MYO1H: variants seen among roughly 807,000 people sequenced by gnomAD.
MYO1H encodes myosin IH.
In MYO1H, 118 loss-of-function variants were observed where a neutral mutation model predicts 149.3. That is an observed-to-expected ratio of 0.79 (90% confidence interval 0.68 to 0.92). The LOEUF (loss-of-function observed/expected upper bound fraction) is 0.92, where lower values mean the gene tolerates loss of function less well. MYO1H is among the 40% of genes least tolerant of loss of function. MYO1H has a pLI of 0.00. For synonymous variants in MYO1H, 447 were observed against 465.2 expected (o/e 0.96, Z 0.50); for missense variants, 1,212 against 1,280.7 (o/e 0.95, Z 0.82).
intron 1 of MYO1H, among the ~76,000 whole-genome samples, chr12:109,387,469 C>T (rs1176332381): frequency 1.3e-5 from 2 of 152,194 alleles, no homozygotes; most frequent in Non-Finnish European, 2.9e-5. Context: ...TCCAAATTCA[C>T]CCTTCATTAC....
chr12:109,349,929 C>G (rs2136992897), intron 1 of MYO1H, among the ~76,000 whole-genome samples: 1 of 146,690 alleles, frequency 6.8e-6, no homozygotes, highest in African/African-American at 2.5e-5. Flanking sequence ...CCACTGCACT[C>G]CAGCCTGGGC....
At chr12:109,423,593 T>TC (rs1361009951) in intron 16 of MYO1H, among the ~76,000 whole-genome samples, 3 of 152,120 alleles carry the variant, frequency 2.0e-5, no homozygotes, top group Admixed American at 2.0e-4. Context: ...TGCTCTCCGT[T>TC]CCCCCTCCCA....
the MYO1H span, among the ~76,000 whole-genome samples, chr12:109,311,215 T>A: frequency 6.6e-6 from 1 of 152,192 alleles, no homozygotes; most frequent in South Asian, 2.1e-4. Flanking sequence ...GTCTGTGAGT[T>A]CTGTAGACTC....
chr12:109,322,810 A>G, the MYO1H span, among the ~76,000 whole-genome samples: 1 of 115,042 alleles, frequency 8.7e-6, no homozygotes, highest in Non-Finnish European at 1.7e-5. Flanking sequence ...GCAGAGGGAG[A>G]CTCCGTCTCA....
In MYO1H at chr12:109,411,876, T is replaced by C. The variant is rs1018428872; in HGVS notation, c.1411-18T>C. 4.9e-5 allele frequency: 77 copies of C among 1,577,492 alleles called. No individual in the cohort carries two copies. The highest frequency in any genetic ancestry group is 6.3e-5 in the Non-Finnish European group (73 of 1,158,022). On this transcript the variant is annotated intron_variant, in intron 13 of 31. Transcript: ENST00000310903. ...GAGTGTGGTGCTGTGGATTGAGGCT[T>C]CTCTTTTTCTTTTGAAGGATGAAGA...
chr12:109,432,196 G>C (rs1871656553), intron 19 of MYO1H, among the ~76,000 whole-genome samples: 1 of 151,992 alleles, frequency 6.6e-6, no homozygotes, highest in African/African-American at 2.4e-5. Flanking sequence ...AGTAGAGACA[G>C]GGTTTCACCA....
intron 2 of MYO1H, among the ~76,000 whole-genome samples, chr12:109,390,758 C>T (rs753452455): frequency 1.3e-5 from 2 of 151,172 alleles, no homozygotes; most frequent in East Asian, 2.0e-4. Context: ...CTCCGCCACC[C>T]GGGTTCAAGC....
upstream of MYO1H, among the ~76,000 whole-genome samples, chr12:109,346,619 G>A (rs1029753309): frequency 3.4e-4 from 51 of 152,074 alleles, no homozygotes; most frequent in African/African-American, 1.2e-3. Context: ...AAGTTAGCTG[G>A]GCGTTGTGGC....
At chr12:109,443,149 CGTATGTGTGT>C (rs1872274555) in intron 27 of MYO1H, among the ~76,000 whole-genome samples, 1 of 76,924 alleles carries the variant, frequency 1.3e-5, no homozygotes, top group Non-Finnish European at 2.5e-5. Context: ...TATATGTGTA[CGTATGTGTGT>C]GTATATGTGT....
At chr12:109,419,574 G>C (rs1309136508) in intron 15 of MYO1H, among the ~76,000 whole-genome samples, 2 of 151,796 alleles carry the variant, frequency 1.3e-5, no homozygotes, top group Non-Finnish European at 2.9e-5. Context: ...CTGGAAACAG[G>C]GTTTCACTTT....
chr12:109,439,216 A>G (rs2135598456), intron 23 of MYO1H, among the ~76,000 whole-genome samples: 1 of 152,186 alleles, frequency 6.6e-6, no homozygotes, highest in Admixed American at 6.5e-5. Context: ...CTGAGATTAC[A>G]GGCACACACC....
the MYO1H span, among the ~76,000 whole-genome samples, chr12:109,323,576 G>A: frequency 6.6e-6 from 1 of 152,196 alleles, no homozygotes; most frequent in African/African-American, 2.4e-5. Context: ...AGTTAAGTCT[G>A]GGAGAGGATC....
At chr12:109,401,413 T>G (rs546264999) in intron 6 of MYO1H, 141 bp downstream of exon 6, 1 of 790,648 alleles carries the variant, frequency 1.3e-6, no homozygotes, top group East Asian at 2.8e-5. Context: ...CATATATATA[T>G]CACAAGCAAT....
At chr12:109,364,418 T>A (rs915613457) in intron 1 of MYO1H, among the ~76,000 whole-genome samples, 1 of 152,012 alleles carries the variant, frequency 6.6e-6, no homozygotes, top group Non-Finnish European at 1.5e-5. Context: ...AGCCTCAAAC[T>A]CGGGGGCTCA....
intron 29 of MYO1H, 60 bp downstream of exon 29, chr12:109,444,343 A>C (rs1872383219): frequency 1.3e-6 from 2 of 1,578,040 alleles, no homozygotes; most frequent in Non-Finnish European, 1.7e-6. Context: ...CAAAATGTTA[A>C]GTTGACCACC....
In MYO1H at chr12:109,433,773, A is replaced by G. The variant is rs538506795; in HGVS notation, c.2063+763A>G. Among the ~76,000 whole-genome samples, 20 of 152,218 alleles carry G rather than the reference A, an allele frequency of 1.3e-4. 3 individuals carry two copies. Among genetic ancestry groups the G allele is most frequent in the African/African-American group, 4.8e-4 (20 of 41,554 alleles). On this transcript the variant is annotated intron_variant, in intron 20 of 31. Transcript: ENST00000310903. Reference sequence around the variant, plus strand: ...GTTACTTAGTCAGTCCAGATCTCCAAGGGGATTCTGCAAGGCTCAGCACAT... The same window carrying G: ...GTTACTTAGTCAGTCCAGATCTCCAGGGGGATTCTGCAAGGCTCAGCACAT...
chr12:109,393,195 T>C (rs1009632346), intron 2 of MYO1H, 136 bp from the exon 3 acceptor site: 3 of 627,030 alleles, frequency 4.8e-6, no homozygotes, highest in Non-Finnish European at 8.6e-6. Context: ...ACACCTGCCA[T>C]GTAAGCTCCC....
At chr12:109,415,879 C>G (rs1870880135) in intron 15 of MYO1H, among the ~76,000 whole-genome samples, 1 of 151,938 alleles carries the variant, frequency 6.6e-6, no homozygotes, top group Non-Finnish European at 1.5e-5. Flanking sequence ...TTAATATATT[C>G]AGAGTTGTGA....
At chr12:109,394,227 A>G (rs1566025618) in intron 3 of MYO1H, among the ~76,000 whole-genome samples, 1 of 152,196 alleles carries the variant, frequency 6.6e-6, no homozygotes, top group Non-Finnish European at 1.5e-5. Context: ...TCCAAACACC[A>G]TGTTTCCTTC....
Sources: allele counts gnomAD v4.1 joint callset (sites outside exome capture counted in the v4.1 genomes callset), GRCh38; gene constraint gnomAD v4.1.1; transcripts MANE v1.5; gene names NCBI Gene and HGNC (gene_info 2026-07-23, HGNC 2026-07-21).